MACF1: variants seen among roughly 807,000 people sequenced by gnomAD.
MACF1 encodes the protein microtubule actin crosslinking factor 1.
In MACF1, 193 loss-of-function variants were observed where a neutral mutation model predicts 854.8. That is an observed-to-expected ratio of 0.23 (90% CI 0.20 to 0.25). MACF1 has a LOEUF of 0.25. Ranked by LOEUF, MACF1 falls within the 10% of genes least tolerant of loss-of-function variation. The pLI is 1.00. For synonymous variants in MACF1, 3,185 were observed against 3,226.7 expected (o/e 0.99, Z 0.44); for missense variants, 7,722 against 8,929.1 (o/e 0.86, Z 5.45).
At chr1:39,166,689 G>A (rs1445249862) in intron 2 of MACF1, among the ~76,000 whole-genome samples, 2 of 152,016 alleles carry the variant, frequency 1.3e-5, no homozygotes, top group Non-Finnish European at 2.9e-5. Context: ...CTGACCTCAG[G>A]TGACCCATCT....
At position 39,234,080 on chromosome 1, in the gene MACF1, A is replaced by T. The variant is rs1301156629; in HGVS notation, c.171+2837A>T. Among the ~76,000 whole-genome samples, 10 of 147,242 alleles carry T rather than the reference A, an allele frequency of 6.8e-5. No individual in the cohort carries two copies. In the Admixed American group the frequency reaches 6.8e-4, roughly 10 times the overall value. On this transcript the variant is annotated intron_variant, in intron 2 of 100. Coordinates refer to ENST00000564288, the MANE Select transcript of MACF1 (RefSeq NM_001394062.1). ...ATTTAACCCTGAGTGGACACAGCAC[A>T]TGTTTCAGAGAGCACAGGGTTGGGG...
At chr1:39,477,075 A>ACACACACATATATACACTTATTG (rs1331285017) in intron 97 of MACF1, among the ~76,000 whole-genome samples, 1 of 51,308 alleles carries the variant, frequency 1.9e-5, no homozygotes, top group South Asian at 5.8e-4. Flanking sequence ...ATATATATAT[A>ACACACACATATATACACTTATTG]TATATATATA....
intron 1 of MACF1, chr1:39,206,470 T>C (rs1644452335): frequency 6.6e-6 from 1 of 152,202 alleles, no homozygotes; most frequent in South Asian, 2.1e-4. Flanking sequence ...AATAACTAAT[T>C]AGTTGTTAAT....
At chr1:39,259,399 T>C (rs1020759395) in intron 6 of MACF1, among the ~76,000 whole-genome samples, 1 of 151,990 alleles carries the variant, frequency 6.6e-6, no homozygotes, top group African/African-American at 2.4e-5. Flanking sequence ...GTAGCTGGGA[T>C]TACAGGCACC....
chr1:39,102,909 T>TC (rs902404003), intron 2 of MACF1: 1 of 702,150 alleles, frequency 1.4e-6, no homozygotes. Flanking sequence ...CTTCTTCCCA[T>TC]CCCCCCTGGC....
intron 49 of MACF1, among the ~76,000 whole-genome samples, chr1:39,366,672 A>G (rs1569732225): frequency 7.0e-6 from 1 of 142,018 alleles, no homozygotes; most frequent in Non-Finnish European, 1.5e-5. Context: ...TTTATTGTTG[A>G]TTATCTTGGG....
chr1:39,231,271 C>G (rs1380047881), intron 2 of MACF1, 28 bp downstream of exon 2: 3 of 1,596,244 alleles, frequency 1.9e-6, no homozygotes, highest in African/African-American at 2.7e-5. Flanking sequence ...ATATGCTGCC[C>G]CAGCACCTCT....
intron 1 of MACF1, among the ~76,000 whole-genome samples, chr1:39,207,549 G>A (rs1295236827): frequency 6.6e-6 from 1 of 151,762 alleles, no homozygotes; most frequent in Admixed American, 6.6e-5. Flanking sequence ...CAAAGTGCTG[G>A]GATTATAGGT....
At chr1:39,230,834 G>A (rs910533833) in intron 1 of MACF1, among the ~76,000 whole-genome samples, 1 of 152,134 alleles carries the variant, frequency 6.6e-6, no homozygotes, top group African/African-American at 2.4e-5. Flanking sequence ...AAATGCCAAG[G>A]CCACCCTGTC....
intron 2 of MACF1, among the ~76,000 whole-genome samples, chr1:39,199,277 G>A (rs929952756): frequency 6.6e-6 from 1 of 151,662 alleles, no homozygotes; most frequent in Non-Finnish European, 1.5e-5. Flanking sequence ...GAGCCACTGT[G>A]CCTGGCCTGT....
At chr1:39,278,594 GT>G (rs1213630856) in intron 6 of MACF1, among the ~76,000 whole-genome samples, 4 of 152,168 alleles carry the variant, frequency 2.6e-5, no homozygotes, top group Admixed American at 6.5e-5. Context: ...GCTTATTCAA[GT>G]TCTGTCTTGT....
chr1:39,394,343 T>C lies in MACF1; in HGVS notation c.15816+5685T>C, dbSNP rs529671554. ...ACATGAGAAAAGCCCTGGAAGAGGC[T>C]GGGGGCGGTGGCTCACGCCTGTAAT... On this transcript the variant is annotated intron_variant, in intron 58 of 100. Coordinates refer to ENST00000564288, the MANE Select transcript of MACF1 (RefSeq NM_001394062.1). 7.2e-4 allele frequency among the ~76,000 whole-genome samples: 109 copies of C among 152,104 alleles called. 1 individual carries two copies. The highest frequency in any genetic ancestry group is 1.7e-3 in the South Asian group (8 of 4,806).
At chr1:39,225,918 A>T (rs2148296863) in intron 1 of MACF1, among the ~76,000 whole-genome samples, 1 of 152,346 alleles carries the variant, frequency 6.6e-6, no homozygotes, top group Non-Finnish European at 1.5e-5. Context: ...GAAGGTCAGC[A>T]TAATTCTTAA....
intron 23 of MACF1, among the ~76,000 whole-genome samples, chr1:39,305,620 A>G (rs1444343146): frequency 6.6e-6 from 1 of 152,052 alleles, no homozygotes; most frequent in East Asian, 1.9e-4. Context: ...TTAAGTTGCT[A>G]TTTTTGTTTT....
At chr1:39,184,046 G>A (rs1475556298) in intron 2 of MACF1, among the ~76,000 whole-genome samples, 1 of 152,238 alleles carries the variant, frequency 6.6e-6, no homozygotes, top group Non-Finnish European at 1.5e-5. Context: ...TAAATGGTGT[G>A]GCTGCCTGGG....
intron 46 of MACF1, 47 bp downstream of exon 46, chr1:39,358,920 C>A: frequency 6.4e-7 from 1 of 1,555,516 alleles, no homozygotes. Flanking sequence ...CCTTGTATTC[C>A]ATGGCGTAAA....
chr1:39,153,127 A>G (rs80128142), intron 2 of MACF1, among the ~76,000 whole-genome samples: 1 of 152,174 alleles, frequency 6.6e-6, no homozygotes, highest in Non-Finnish European at 1.5e-5. Flanking sequence ...GACTGTTTCA[A>G]TATGCCTTTG....
At chr1:39,382,712 A>T (rs1303256309) in intron 56 of MACF1, among the ~76,000 whole-genome samples, 1 of 151,420 alleles carries the variant, frequency 6.6e-6, no homozygotes, top group African/African-American at 2.4e-5. Context: ...TTTACTTGTA[A>T]TCCCCTGTGA....
intron 66 of MACF1, among the ~76,000 whole-genome samples, chr1:39,431,971 G>A (rs1643882495): frequency 6.6e-6 from 1 of 152,210 alleles, no homozygotes; most frequent in African/African-American, 2.4e-5. Context: ...ATCAGACCCT[G>A]TCTCTGAGGG....
Sources: allele counts gnomAD v4.1 joint callset (sites outside exome capture counted in the v4.1 genomes callset), GRCh38; gene constraint gnomAD v4.1.1; transcripts MANE v1.5; gene names NCBI Gene and HGNC (gene_info 2026-07-23, HGNC 2026-07-21).